Variants in NWD2 observed in about 807,000 individuals in gnomAD.
NWD2 encodes NACHT and WD repeat domain-containing protein 2.
In NWD2, 37 loss-of-function variants were observed where a neutral mutation model predicts 132.7. The ratio of observed to expected loss-of-function variants is 0.28; its 90% CI spans 0.21 to 0.37. The LOEUF is 0.37. Ranked by LOEUF, NWD2 falls within the 10% of genes least tolerant of loss-of-function variation. The pLI is 1.00. For missense variants in NWD2, 1,592 were observed against 2,122.4 expected (o/e 0.75, Z 4.91); for synonymous variants, 705 against 803.0 (o/e 0.88, Z 2.06).
At position 37,394,799 on chromosome 4, in the gene NWD2, G is replaced by GTTTTTTTTTTTTTTTT. The variant is rs1175840735; in HGVS notation, c.358-35759_358-35744dup. On this transcript the variant is annotated intron_variant, in intron 3 of 6. Coordinates refer to ENST00000309447, the MANE Select transcript of NWD2 (RefSeq NM_001144990.2). ...TTTTCCTCTATAGTGAACCTTTATG[G>GTTTTTTTTTTTTTTTT]TTTTTTTTTTTTTTTTTTTTTTTTT... Among the ~76,000 whole-genome samples the GTTTTTTTTTTTTTTTT allele has an allele frequency of 4.6e-4, 24 of 52,594 alleles. 5 individuals are homozygous for GTTTTTTTTTTTTTTTT. Among genetic ancestry groups the GTTTTTTTTTTTTTTTT allele is most frequent in the African/African-American group, 9.3e-4 (12 of 12,954 alleles). 34.5% of individuals were successfully genotyped at this position (52,594 alleles called of 152,430 possible). A position where few individuals can be genotyped will look rare whatever the true frequency, so the allele number is the denominator to read the frequency against.
intron 3 of NWD2, among the ~76,000 whole-genome samples, chr4:37,386,311 A>G (rs1024061999): frequency 7.2e-5 from 11 of 152,182 alleles, no homozygotes; most frequent in Non-Finnish European, 1.6e-4. Flanking sequence ...AATTAAATTG[A>G]CATGAAACCA....
chr4:37,255,015 G>A (rs560945782), intron 1 of NWD2, among the ~76,000 whole-genome samples: 4 of 152,118 alleles, frequency 2.6e-5, no homozygotes, highest in South Asian at 2.1e-4. Flanking sequence ...GCCGCAGAAC[G>A]TCTCCTTCAG....
chr4:37,319,779 T>G (rs4259069), intron 1 of NWD2, among the ~76,000 whole-genome samples: 125,506 of 152,098 alleles, frequency 0.83, 52,165 homozygotes, highest in African/African-American at 0.86. Context: ...AGATCAGATA[T>G]CTGTAGTTGT....
intron 1 of NWD2, among the ~76,000 whole-genome samples, chr4:37,321,580 T>G (rs10006730): frequency 0.073 from 11,097 of 152,282 alleles, 1,246 homozygotes; most frequent in African/African-American, 0.24. Flanking sequence ...TGATTTACAC[T>G]GTTTAAAGAG....
At chr4:37,363,305 T>C (rs1433408796) in intron 3 of NWD2, among the ~76,000 whole-genome samples, 1 of 152,224 alleles carries the variant, frequency 6.6e-6, no homozygotes, top group Non-Finnish European at 1.5e-5. Flanking sequence ...TGACTGGGTA[T>C]ATATCCAAAA....
intron 4 of NWD2, 100 bp downstream of exon 4, chr4:37,430,875 C>A (rs952460860): frequency 3.0e-6 from 3 of 1,006,870 alleles, no homozygotes; most frequent in South Asian, 1.5e-5. Flanking sequence ...GCAGAGTAGA[C>A]AGAAAGTTAC....
Position 37,245,072 on chromosome 4 carries a change from G to A in NWD2, c.5G>A (p.Trp2Ter). M[W>*]PAGAGTKLPC... is the part of the protein sequence containing the mutation. ...GGCTGTTCCTCCCAGAGGGCGATGTGGCCGGCCGGCGCGGGCACCAAGCTG... is the reference window on the plus strand; with the variant it reads ...GGCTGTTCCTCCCAGAGGGCGATGTAGCCGGCCGGCGCGGGCACCAAGCTG... The change falls in exon 1 of 7, where the codon TGG becomes TAG. Residue 2 changes from tryptophan to a stop codon, truncating the protein, a stop_gained. Coordinates refer to ENST00000309447, the MANE Select transcript of NWD2 (RefSeq NM_001144990.2). LOFTEE classifies it high-confidence loss of function. The A allele has an allele frequency of 6.5e-7, 1 of 1,545,306 alleles. No individual in the cohort carries two copies. Among genetic ancestry groups the A allele is most frequent in the Non-Finnish European group, 8.7e-7 (1 of 1,146,376 alleles).
intron 1 of NWD2, among the ~76,000 whole-genome samples, chr4:37,258,543 G>A (rs937575851): frequency 6.6e-6 from 1 of 152,186 alleles, no homozygotes; most frequent in Admixed American, 6.5e-5. Context: ...TGGAATGAGG[G>A]AGAAGGCCCA....
chr4:37,310,746 T>G (rs1471894559), intron 1 of NWD2, among the ~76,000 whole-genome samples: 2 of 150,078 alleles, frequency 1.3e-5, no homozygotes, highest in Non-Finnish European at 3.0e-5. Flanking sequence ...ACTCGTCATT[T>G]AGCATTAGGT....
At chr4:37,298,040 T>C (rs1405539801) in intron 1 of NWD2, among the ~76,000 whole-genome samples, 1 of 152,166 alleles carries the variant, frequency 6.6e-6, no homozygotes, top group Non-Finnish European at 1.5e-5. Flanking sequence ...CAGTAAGAGA[T>C]GCTCAGAAAG....
intron 1 of NWD2, among the ~76,000 whole-genome samples, chr4:37,245,637 G>A (rs34568676): frequency 0.23 from 35,149 of 151,568 alleles, 4,157 homozygotes; most frequent in South Asian, 0.36. Context: ...TCCTGAGTGC[G>A]GGGCTACCTC....
At chr4:37,431,131 A>C (rs952342986) in intron 4 of NWD2, among the ~76,000 whole-genome samples, 2 of 152,190 alleles carry the variant, frequency 1.3e-5, no homozygotes, top group African/African-American at 4.8e-5. Flanking sequence ...TTAAAAATAG[A>C]ACTACCCACT....
At chr4:37,346,436 C>G (rs1236747904) in intron 2 of NWD2, among the ~76,000 whole-genome samples, 1 of 152,116 alleles carries the variant, frequency 6.6e-6, no homozygotes, top group African/African-American at 2.4e-5. Flanking sequence ...AGTTTGAAAT[C>G]CAGAAGTGTG....
intron 1 of NWD2, among the ~76,000 whole-genome samples, chr4:37,255,802 G>A (rs1436597587): frequency 6.6e-6 from 1 of 152,126 alleles, no homozygotes; most frequent in East Asian, 1.9e-4. Context: ...GAGTCCCAGA[G>A]GGTTGGGACA....
chr4:37,252,232 G>T (rs1322752234), intron 1 of NWD2, among the ~76,000 whole-genome samples: 1 of 152,146 alleles, frequency 6.6e-6, no homozygotes, highest in Non-Finnish European at 1.5e-5. Context: ...GAATAGAAGT[G>T]GAACTGATGT....
chr4:37,411,552 G>C (rs547029289), intron 3 of NWD2, among the ~76,000 whole-genome samples: 27 of 152,250 alleles, frequency 1.8e-4, no homozygotes, highest in South Asian at 4.1e-4. Context: ...TTCTACCAGA[G>C]ATACAAAGAG....
chr4:37,398,971 A>C (rs1162962911), intron 3 of NWD2, among the ~76,000 whole-genome samples: 1 of 152,250 alleles, frequency 6.6e-6, no homozygotes, highest in Non-Finnish European at 1.5e-5. Flanking sequence ...CCATGACAAA[A>C]AGTGGAACAT....
At chr4:37,333,053 G>A (rs1719326946) in intron 2 of NWD2, among the ~76,000 whole-genome samples, 2 of 152,190 alleles carry the variant, frequency 1.3e-5, no homozygotes, top group Non-Finnish European at 2.9e-5. Context: ...ATGTGGCTTA[G>A]GGATCAGCTC....
At chr4:37,335,282 C>T (rs1240356724) in intron 2 of NWD2, among the ~76,000 whole-genome samples, 1 of 96,166 alleles carries the variant, frequency 1.0e-5, no homozygotes. Flanking sequence ...CCACTGTGCC[C>T]TCTGACTGGG....
Sources: gnomAD v4.1 joint callset for allele counts (sites outside exome capture counted in the v4.1 genomes callset) on GRCh38, gnomAD v4.1.1 for gene constraint, MANE v1.5 for transcripts, NCBI Gene and HGNC (gene_info 2026-07-23, HGNC 2026-07-21) for gene names.